The following FOXP1 variants were observed in gnomAD, a reference collection of about 807,000 sequenced individuals.
FOXP1 encodes the protein forkhead box P1.
A neutral mutation model predicts 98.2 loss-of-function variants in FOXP1; 15 were observed. That is an observed-to-expected ratio of 0.15 (90% CI 0.10 to 0.24). FOXP1 has a LOEUF of 0.24. Ranked by LOEUF, FOXP1 falls within the 10% of genes least tolerant of loss-of-function variation. The pLI is 1.00. For missense variants in FOXP1, 633 were observed against 848.5 expected, an observed-to-expected ratio of 0.75 and a Z score of 3.15; for synonymous variants, 371 against 314.5, an observed-to-expected ratio of 1.18 and a Z score of -1.90.
At chr3:71,340,739 T>C (rs1560335429) in intron 4 of FOXP1, among the ~76,000 whole-genome samples, 1 of 152,104 alleles carries the variant, frequency 6.6e-6, no homozygotes, top group Non-Finnish European at 1.5e-5. Flanking sequence ...AATTAATATA[T>C]TGATTAAATA....
intron 2 of FOXP1, among the ~76,000 whole-genome samples, chr3:71,517,790 A>G (rs1210030162): frequency 2.6e-5 from 4 of 152,220 alleles, no homozygotes; most frequent in African/African-American, 9.6e-5. Flanking sequence ...CCTCAACTTA[A>G]GATGGGAAAA....
chr3:71,029,393 T>C (rs1002979043), intron 11 of FOXP1, among the ~76,000 whole-genome samples: 2 of 152,014 alleles, frequency 1.3e-5, no homozygotes, highest in Non-Finnish European at 2.9e-5. Context: ...TAGTGCTCTT[T>C]TTTTTTTATT....
chr3:71,488,249 AAT>A (rs2090809017), intron 3 of FOXP1, among the ~76,000 whole-genome samples: 2 of 152,242 alleles, frequency 1.3e-5, no homozygotes, highest in South Asian at 4.1e-4. Flanking sequence ...AATTAAATGC[AAT>A]CTTCTAATTG....
intron 3 of FOXP1, among the ~76,000 whole-genome samples, chr3:71,366,140 T>A (rs1168920010): frequency 1.3e-5 from 2 of 151,382 alleles, no homozygotes; most frequent in South Asian, 2.1e-4. Context: ...CTTGGTCCAC[T>A]TTTTTTTTCG....
rs143733171 is a variant in FOXP1 at position 71,515,408 on chromosome 3, T to A, written c.-297-21853A>T. 3.7e-3 allele frequency among the ~76,000 whole-genome samples: 472 copies of A among 128,670 alleles called. 3 individuals carry two copies. The highest frequency in any genetic ancestry group is 0.013 in the African/African-American group (429 of 32,648). 84.4% of individuals were successfully genotyped at this position (128,670 alleles called of 152,430 possible). ...ACGTTCAACTAAATGGTATACGCAT[T>A]TCCCTTTGATCAAAATTTACACAGC... On this transcript the variant is annotated intron_variant, in intron 2 of 20. Transcript: ENST00000649528.
intron 6 of FOXP1, among the ~76,000 whole-genome samples, chr3:71,157,943 C>G (rs1338838789): frequency 1.3e-5 from 2 of 151,722 alleles, no homozygotes; most frequent in South Asian, 2.1e-4. Context: ...CAAAAATTAG[C>G]CTGGTGTGGT....
intron 4 of FOXP1, among the ~76,000 whole-genome samples, chr3:71,335,834 G>A (rs888158669): frequency 1.2e-4 from 18 of 151,660 alleles, no homozygotes; most frequent in East Asian, 1.9e-4. Context: ...GTGAAACCCC[G>A]TCTCTACAAA....
intron 3 of FOXP1, among the ~76,000 whole-genome samples, chr3:71,410,526 G>C (rs1435137554): frequency 1.3e-5 from 2 of 152,142 alleles, no homozygotes; most frequent in South Asian, 2.1e-4. Context: ...ACTATAAGCT[G>C]TGTCCTTATG....
rs184208723 is a variant in FOXP1, at chr3:71,111,932, C to T, written c.282+604G>A. On this transcript the variant is annotated intron_variant, in intron 7 of 20. Coordinates refer to ENST00000649528, the MANE Select transcript of FOXP1 (RefSeq NM_001349338.3). ...TAAAAGTACCACATCCTCCTCAGGC[C>T]GAGTCATAGTTCTTGATGCTATTGA... Among the ~76,000 whole-genome samples, 58 of 152,128 alleles carry T rather than the reference C, an allele frequency of 3.8e-4. No individual in the cohort carries two copies. The East Asian group carries it at 0.011, about 28-fold the overall frequency.
intron 11 of FOXP1, among the ~76,000 whole-genome samples, chr3:71,040,884 C>T (rs753707699): frequency 1.3e-5 from 2 of 152,240 alleles, no homozygotes; most frequent in Non-Finnish European, 1.5e-5. Flanking sequence ...AAAACATGGG[C>T]GCCCAGCCTT....
At chr3:71,573,825 T>C (rs1447434454) in intron 2 of FOXP1, 2 of 152,216 alleles carry the variant, frequency 1.3e-5, no homozygotes, top group East Asian at 1.9e-4. Context: ...GCAAACTTTC[T>C]ATTAGAAAAT....
intron 2 of FOXP1, among the ~76,000 whole-genome samples, chr3:71,514,774 G>GC (rs1471273610): frequency 1.3e-5 from 2 of 152,182 alleles, no homozygotes; most frequent in African/African-American, 4.8e-5. Flanking sequence ...ACCCAGGTGA[G>GC]CAGCTCAATG....
At chr3:71,471,722 A>G (rs1388329632) in intron 3 of FOXP1, among the ~76,000 whole-genome samples, 3 of 152,190 alleles carry the variant, frequency 2.0e-5, no homozygotes, top group Admixed American at 2.0e-4. Flanking sequence ...ACCTTCAAGG[A>G]CCCCACATGT....
At chr3:71,277,205 G>A (rs938337853) in intron 5 of FOXP1, among the ~76,000 whole-genome samples, 3 of 150,524 alleles carry the variant, frequency 2.0e-5, no homozygotes, top group Non-Finnish European at 4.4e-5. Context: ...TGATCTGCCC[G>A]ACTCAGCCTT....
intron 3 of FOXP1, among the ~76,000 whole-genome samples, chr3:71,415,091 A>G (rs1489530817): frequency 1.6e-4 from 24 of 152,202 alleles, no homozygotes; most frequent in Admixed American, 1.6e-3. Flanking sequence ...CTATATCTGA[A>G]CTACCTCCTC....
At chr3:71,028,986 G>A (rs1265098491) in intron 11 of FOXP1, among the ~76,000 whole-genome samples, 1 of 152,214 alleles carries the variant, frequency 6.6e-6, no homozygotes, top group African/African-American at 2.4e-5. Context: ...GCGATGGGGA[G>A]CGGCTGTAAA....
intron 6 of FOXP1, among the ~76,000 whole-genome samples, chr3:71,157,695 C>A (rs528569811): frequency 2.6e-5 from 4 of 152,244 alleles, no homozygotes; most frequent in Middle Eastern, 3.4e-3. Context: ...TCTTTTCTGG[C>A]CTTTCATGAA....
chr3:71,427,423 A>G (rs2084263320), intron 3 of FOXP1, among the ~76,000 whole-genome samples: 1 of 152,236 alleles, frequency 6.6e-6, no homozygotes, highest in Non-Finnish European at 1.5e-5. Flanking sequence ...TGTAAAGCGT[A>G]AAGCTAGCGA....
chr3:71,158,471 G>A (rs537924047), intron 6 of FOXP1, among the ~76,000 whole-genome samples: 42 of 152,208 alleles, frequency 2.8e-4, no homozygotes, highest in African/African-American at 9.6e-4. Context: ...GGATGACAAA[G>A]ACACTGCCAT....
Sources: allele counts gnomAD v4.1 joint callset (sites outside exome capture counted in the v4.1 genomes callset), GRCh38; gene constraint gnomAD v4.1.1; transcripts MANE v1.5; gene names NCBI Gene and HGNC (gene_info 2026-07-23, HGNC 2026-07-21).